SMAD6: variants seen among roughly 807,000 people sequenced by gnomAD.
The protein encoded by SMAD6 is MAD homolog 6.
Under a neutral mutation model 39.4 loss-of-function variants are expected in SMAD6, and 103 were observed. The ratio of observed to expected loss-of-function variants is 2.62; its 90% confidence interval spans 2.23 to 3.08. The LOEUF is 3.08. Ranked by LOEUF, SMAD6 falls within the 30% of genes most tolerant of loss-of-function variation. The probability of loss-of-function intolerance (pLI) is 0.00; values close to 1 mark genes in which losing one functional copy is unlikely to be tolerated. For missense variants in SMAD6, 1,104 were observed against 742.9 expected (o/e 1.49, Z -5.65); for synonymous variants, 445 against 353.3 (o/e 1.26, Z -2.91).
In SMAD6 at chr15:66,711,682, C is replaced by T. The variant is rs1425590093; in HGVS notation, c.832C>T (p.Pro278Ser). The change falls in exon 2 of 4, where the codon CCC (proline) becomes TCC (serine). Residue 278 changes from proline (P) to serine (S), a missense_variant. Physicochemically the swap from Pro to Ser is moderately conservative, Grantham distance 74. Transcript: ENST00000288840. ...RLCGPESPPP[P>S]YSRLSPRDEY... ...CTGTCTTCCAGAATCTCCGCCACCT[C>T]CCTACTCTCGGCTGTCTCCTCGCGA... 1.8e-5 allele frequency: 29 copies of T among 1,613,930 alleles called. No homozygotes were observed. The highest frequency in any genetic ancestry group is 2.1e-5 in the Non-Finnish European group (25 of 1,179,938).
intron 1 of SMAD6, among the ~76,000 whole-genome samples, chr15:66,709,291 T>C (rs914252221): frequency 6.6e-6 from 1 of 152,248 alleles, no homozygotes; most frequent in African/African-American, 2.4e-5. Flanking sequence ...TTTGTAGTGC[T>C]CCACTAGCTG....
intron 3 of SMAD6, among the ~76,000 whole-genome samples, chr15:66,765,968 T>C (rs1894280914): frequency 1.3e-5 from 2 of 152,136 alleles, no homozygotes; most frequent in Admixed American, 6.5e-5. Context: ...TAATTAATAA[T>C]TGAGAGCTGG....
chr15:66,746,202 A>AAGGG (rs1893905252), intron 3 of SMAD6, among the ~76,000 whole-genome samples: 1 of 152,216 alleles, frequency 6.6e-6, no homozygotes, highest in African/African-American at 2.4e-5. Context: ...GACTTGCTGA[A>AAGGG]AGGGACATGG....
At chr15:66,712,281 C>G (rs1380951374) in intron 2 of SMAD6, among the ~76,000 whole-genome samples, 1 of 152,130 alleles carries the variant, frequency 6.6e-6, no homozygotes, top group Non-Finnish European at 1.5e-5. Context: ...CCTAGGTGAG[C>G]TTAGTGGAGT....
chr15:66,775,927 G>A (rs1468256987), intron 3 of SMAD6, among the ~76,000 whole-genome samples: 1 of 152,254 alleles, frequency 6.6e-6, no homozygotes, highest in Non-Finnish European at 1.5e-5. Flanking sequence ...GGGCTGTGCA[G>A]CTGTGGGAAG....
intron 3 of SMAD6, among the ~76,000 whole-genome samples, chr15:66,731,175 A>T (rs576673227): frequency 6.6e-6 from 1 of 152,172 alleles, no homozygotes. Context: ...GCGGTGGCTC[A>T]TGCCTGTTAT....
chr15:66,728,657 G>A (rs1482137842), intron 3 of SMAD6, among the ~76,000 whole-genome samples: 2 of 152,074 alleles, frequency 1.3e-5, no homozygotes, highest in East Asian at 1.9e-4. Flanking sequence ...TGCCCGCCTC[G>A]GCCTCGCAAA....
intron 3 of SMAD6, among the ~76,000 whole-genome samples, chr15:66,770,968 C>A (rs369997095): frequency 1.3e-3 from 192 of 152,356 alleles, no homozygotes; most frequent in African/African-American, 4.5e-3. Context: ...CCGCGTGGCT[C>A]TTCGAAGCTA....
chr15:66,709,708 G>A (rs755036943), intron 1 of SMAD6, among the ~76,000 whole-genome samples: 5 of 152,222 alleles, frequency 3.3e-5, no homozygotes, highest in Non-Finnish European at 4.4e-5. Flanking sequence ...CAGAGACCTG[G>A]CTTTGGTTCT....
intron 3 of SMAD6, among the ~76,000 whole-genome samples, chr15:66,730,778 C>T (rs1466604533): frequency 6.6e-6 from 1 of 152,186 alleles, no homozygotes; most frequent in East Asian, 1.9e-4. Flanking sequence ...AACTTATCTC[C>T]ACTTGATAGA....
At chr15:66,717,371 T>C (rs756510484) in intron 3 of SMAD6, 18 of 456,288 alleles carry the variant, frequency 3.9e-5, no homozygotes, top group South Asian at 2.8e-4. Flanking sequence ...TCATAGCCAT[T>C]TATTGAGTGT....
intron 3 of SMAD6, among the ~76,000 whole-genome samples, chr15:66,758,175 CTTTT>C (rs1284713818): frequency 6.6e-6 from 1 of 152,162 alleles, no homozygotes; most frequent in South Asian, 2.1e-4. Context: ...CTTGAAAACT[CTTTT>C]TTATTATTAA....
At chr15:66,763,938 T>A (rs1894247509) in intron 3 of SMAD6, among the ~76,000 whole-genome samples, 1 of 152,242 alleles carries the variant, frequency 6.6e-6, no homozygotes, top group African/African-American at 2.4e-5. Context: ...CTGCCACTCC[T>A]TCCTGGGCAG....
Position 66,716,279 on chromosome 15 carries a change from T to C in SMAD6, c.875-142T>C, listed in dbSNP as rs142825136. 868 of 657,256 alleles carry C rather than the reference T, an allele frequency of 1.3e-3. 7 individuals are homozygous for C. In the African/African-American group the frequency reaches 0.014, roughly 11 times the overall value. The allele number at this position is 657,256 out of a possible 1,614,324, so 40.7% of individuals were successfully genotyped here. On this transcript the variant is annotated intron_variant, in intron 2 of 3. Transcript: ENST00000288840. ...CCTGAGATGGGGTTACAGGGTGACA[T>C]CAGAAAGTTGGGAGGGACATGCTGC...
chr15:66,754,521 A>G (rs1421941366), intron 3 of SMAD6, among the ~76,000 whole-genome samples: 2 of 152,176 alleles, frequency 1.3e-5, no homozygotes. Context: ...GTCCCTCAGC[A>G]TTGATACTAT....
In SMAD6 at chr15:66,781,047, G is replaced by C. The variant is rs1165362355; in HGVS notation, c.1003G>C (p.Ala335Pro). ...ATKPSHWCSVAYWEHRTRVGR... is the reference protein window; with the variant it reads ...ATKPSHWCSVPYWEHRTRVGR... ...CAAGCCGAGCCACTGGTGCAGCGTG[G>C]CGTACTGGGAGCACCGGACGCGCGT... Residue 335 changes from alanine to proline, a missense_variant, in exon 4 of 4, where the codon GCG becomes CCG. Transcript: ENST00000288840. 6.2e-7 allele frequency: 1 copy of C among 1,601,544 alleles called. No individual in the cohort carries two copies. Among genetic ancestry groups the C allele is most frequent in the African/African-American group, 1.3e-5 (1 of 74,796 alleles).
At chr15:66,777,912 A>G (rs566079554) in intron 3 of SMAD6, among the ~76,000 whole-genome samples, 3 of 152,188 alleles carry the variant, frequency 2.0e-5, no homozygotes, top group African/African-American at 7.2e-5. Flanking sequence ...AGGCGGCTCT[A>G]TGGGTTCATC....
chr15:66,710,264 G>A (rs902686382), intron 1 of SMAD6, among the ~76,000 whole-genome samples: 3 of 152,184 alleles, frequency 2.0e-5, no homozygotes, highest in Non-Finnish European at 2.9e-5. Context: ...CTGTACCTGA[G>A]GTCTAAAATA....
At chr15:66,722,046 AC>A (rs1373413956) in intron 3 of SMAD6, among the ~76,000 whole-genome samples, 1 of 152,208 alleles carries the variant, frequency 6.6e-6, no homozygotes, top group Non-Finnish European at 1.5e-5. Flanking sequence ...GTTTCGAGGG[AC>A]TGGGAAGCAA....
Sources: gnomAD v4.1 joint callset for allele counts (sites outside exome capture counted in the v4.1 genomes callset) on GRCh38, gnomAD v4.1.1 for gene constraint, MANE v1.5 for transcripts, NCBI Gene and HGNC (gene_info 2026-07-23, HGNC 2026-07-21) for gene names.